The following CACNA1C variants were observed in gnomAD, a reference collection of about 807,000 sequenced individuals.
The protein encoded by CACNA1C is calcium voltage-gated channel subunit alpha1 C.
A neutral mutation model predicts 229.0 loss-of-function variants in CACNA1C; 30 were observed. The observed-to-expected ratio is 0.13, with a 90% CI of 0.10 to 0.18. The LOEUF (loss-of-function observed/expected upper bound fraction) is 0.18, where lower values mean the gene tolerates loss of function less well. Among genes scored for constraint, CACNA1C ranks in the 10% least tolerant of loss-of-function variants. The pLI, the probability that CACNA1C is intolerant of heterozygous loss-of-function variation, is 1.00. For missense variants in CACNA1C, 1,658 were observed against 2,845.0 expected (o/e 0.58, Z 9.49); for synonymous variants, 1,114 against 1,132.5 (o/e 0.98, Z 0.33).
intron 5 of CACNA1C, among the ~76,000 whole-genome samples, chr12:2,470,468 A>G (rs1045598090): frequency 2.6e-5 from 4 of 152,228 alleles, no homozygotes; most frequent in African/African-American, 7.2e-5. Flanking sequence ...TGAAGTGATC[A>G]ATACGCAGAA....
At chr12:2,009,963 A>C (rs187463943) in intron 1 of CACNA1C, among the ~76,000 whole-genome samples, 1 of 151,574 alleles carries the variant, frequency 6.6e-6, no homozygotes, top group Non-Finnish European at 1.5e-5. Context: ...TGCAATCTGT[A>C]CAATGTACTG....
chr12:2,107,593 T>C (rs1413179076), intron 1 of CACNA1C, among the ~76,000 whole-genome samples: 1 of 152,276 alleles, frequency 6.6e-6, no homozygotes, highest in Non-Finnish European at 1.5e-5. Flanking sequence ...GAATGCCAGC[T>C]TCCCCATTTG....
rs115496643 is a variant in CACNA1C at position 2,253,351 on chromosome 12, C to A, written c.477+132921C>A. 6.6e-4 allele frequency among the ~76,000 whole-genome samples: 101 copies of A among 152,328 alleles called. 1 individual carries two copies. The highest frequency in any genetic ancestry group is 2.4e-3 in the African/African-American group (100 of 41,572). On this transcript the variant is annotated intron_variant, in intron 3 of 46. Coordinates refer to ENST00000399655, the MANE Select transcript of CACNA1C (RefSeq NM_000719.7). The stretch of plus-strand genomic sequence containing the variant: ...TTGATTTAATCTGTGTGTCCTATAT[C>A]TTACTTCTTAATTGGTTCTGAGTTT...
At chr12:2,500,534 C>T (rs188504475) in intron 7 of CACNA1C, among the ~76,000 whole-genome samples, 6 of 152,272 alleles carry the variant, frequency 3.9e-5, no homozygotes, top group Admixed American at 3.3e-4. Context: ...AACTCCCACT[C>T]GCCATCTGCC....
In CACNA1C at chr12:1,979,172, CT is replaced by C. The variant is rs534201637; in HGVS notation, c.139+7972del. 5.3e-5 allele frequency among the ~76,000 whole-genome samples: 8 copies of C among 152,322 alleles called. No homozygotes were observed. The South Asian group carries it at 1.7e-3, about 32-fold the overall frequency. ...GGATTACACGTGCCCGCCATCGAGC[CT>C]GGCTAATTTTTTTTATTTTTAGTAG... On this transcript the variant is annotated intron_variant, in intron 1 of 46. Transcript: ENST00000682462.
intron 1 of CACNA1C, among the ~76,000 whole-genome samples, chr12:2,080,001 C>T (rs952975307): frequency 1.3e-5 from 2 of 152,210 alleles, no homozygotes; most frequent in Non-Finnish European, 2.9e-5. Flanking sequence ...TGGCTCACAC[C>T]TGTAATCCCA....
chr12:2,010,582 C>G (rs1021210386), intron 1 of CACNA1C, among the ~76,000 whole-genome samples: 13 of 152,182 alleles, frequency 8.5e-5, no homozygotes, highest in African/African-American at 3.1e-4. Flanking sequence ...CTTTGCTTCT[C>G]TCTGCCAGTC....
intron 3 of CACNA1C, among the ~76,000 whole-genome samples, chr12:2,433,960 A>G (rs1387191292): frequency 6.6e-6 from 1 of 152,202 alleles, no homozygotes; most frequent in East Asian, 1.9e-4. Flanking sequence ...GTGATTTTTA[A>G]AAAAAGTTCC....
chr12:2,460,731 T>C (rs990039789), intron 5 of CACNA1C, among the ~76,000 whole-genome samples: 7 of 152,216 alleles, frequency 4.6e-5, no homozygotes, highest in African/African-American at 1.4e-4. Flanking sequence ...TTAGAGATGA[T>C]GACACTGAGA....
At position 2,595,595 on chromosome 12, in the gene CACNA1C, C is replaced by T. The variant is rs1356751811; in HGVS notation, c.2664-279C>T. On this transcript the variant is annotated intron_variant, in intron 19 of 46. Transcript: ENST00000399655. This position sits in a 1 kb window ranked among gnomAD's most constrained non-coding sequence, Gnocchi z 4.1. ...GGGAAAATAAGTCCCCAAACAAAAG[C>T]CAGTTATGAATGTCAGAGCAGGATT... Among the ~76,000 whole-genome samples the T allele has an allele frequency of 6.6e-6, 1 of 152,120 alleles. No homozygotes were observed.
Position 2,369,295 on chromosome 12 carries a change from C to T in CACNA1C, c.478-79681C>T, listed in dbSNP as rs936963971. Among the ~76,000 whole-genome samples, 41 of 152,048 alleles carry T rather than the reference C, an allele frequency of 2.7e-4. 1 individual carries two copies. Reference sequence around the variant, plus strand: ...AAACTAATATGCAGTGCATCTGTGGCTCATGAGAACCTACTATATGGTAAA... The same window carrying T: ...AAACTAATATGCAGTGCATCTGTGGTTCATGAGAACCTACTATATGGTAAA... On this transcript the variant is annotated intron_variant, in intron 3 of 46. Transcript: ENST00000399655.
At chr12:2,440,136 A>G (rs2099206198) in intron 3 of CACNA1C, among the ~76,000 whole-genome samples, 1 of 152,178 alleles carries the variant, frequency 6.6e-6, no homozygotes, top group Non-Finnish European at 1.5e-5. Flanking sequence ...AATATATATA[A>G]CACAATTTAC....
intron 5 of CACNA1C, among the ~76,000 whole-genome samples, chr12:2,459,018 CTG>C (rs1386943177): frequency 7.7e-6 from 1 of 130,102 alleles, no homozygotes; most frequent in Non-Finnish European, 1.6e-5. Flanking sequence ...GAGTCACACT[CTG>C]TCCCCAGGCT....
intron 5 of CACNA1C, among the ~76,000 whole-genome samples, chr12:2,466,030 C>A (rs1332657489): frequency 6.6e-6 from 1 of 152,158 alleles, no homozygotes; most frequent in Non-Finnish European, 1.5e-5. Context: ...AGTGCCAAGT[C>A]CCCAGGTGAA....
At chr12:2,023,733 CCTTT>C (rs1242368524) in intron 1 of CACNA1C, among the ~76,000 whole-genome samples, 1 of 152,134 alleles carries the variant, frequency 6.6e-6, no homozygotes, top group Non-Finnish European at 1.5e-5. Context: ...CAAAAATGTG[CCTTT>C]CTAAGTAAAT....
At chr12:2,438,208 G>GAT (rs2099165286) in intron 3 of CACNA1C, among the ~76,000 whole-genome samples, 1 of 148,842 alleles carries the variant, frequency 6.7e-6, no homozygotes, top group African/African-American at 2.5e-5. Context: ...CGATGGTGAT[G>GAT]GTGGTGGTGG....
rs756593624 is a variant in CACNA1C, at chr12:2,605,694, G to A, written c.3064G>A (p.Val1022Met). ...AKGLKHVVQC[V>M]FVAIRTIGNI... ...CCCACTGCAGCATGTGGTTCAGTGTGTGTTTGTCGCCATCCGGACCATCGG... is the reference window on the plus strand; with the variant it reads ...CCCACTGCAGCATGTGGTTCAGTGTATGTTTGTCGCCATCCGGACCATCGG... The change falls in exon 24 of 47, where the codon GTG becomes ATG. Residue 1022 changes from valine (V) to methionine (M), a missense_variant. Val to Met is a conservative substitution (Grantham distance 21). This residue lies in a region of CACNA1C where 39 missense variants were observed against 143.3 expected (regional missense o/e 0.27). Transcript: ENST00000399655. The surrounding 1 kb of genome is among the most constrained non-coding windows in gnomAD (Gnocchi z 6.2). The A allele has an allele frequency of 1.9e-6, 3 of 1,613,678 alleles. No individual in the cohort carries two copies. The Admixed American group carries it at 5.0e-5, about 27-fold the overall frequency.
intron 2 of CACNA1C, 22 bp downstream of exon 2, chr12:2,115,567 G>A (rs2083464330): frequency 6.2e-7 from 1 of 1,611,382 alleles, no homozygotes; most frequent in Non-Finnish European, 8.5e-7. Context: ...TCACCGGGCT[G>A]GGCATGCTCC....
At chr12:2,323,906 G>A (rs1281486595) in intron 3 of CACNA1C, among the ~76,000 whole-genome samples, 1 of 152,172 alleles carries the variant, frequency 6.6e-6, no homozygotes, top group Non-Finnish European at 1.5e-5. Context: ...GAGCCTAGAC[G>A]GATGGGGGCG....
Sources: gnomAD v4.1 joint callset for allele counts (sites outside exome capture counted in the v4.1 genomes callset) on GRCh38, gnomAD v4.1.1 for gene constraint, gnomAD v4.1.1 regional missense constraint, Gnocchi (gnomAD v3.1) non-coding constraint, MANE v1.5 for transcripts, NCBI Gene and HGNC (gene_info 2026-07-23, HGNC 2026-07-21) for gene names.